HOOK3: variants seen among roughly 807,000 people sequenced by gnomAD.
HOOK3 encodes hook microtubule tethering protein 3.
Under a neutral mutation model 116.3 loss-of-function variants are expected in HOOK3, and 24 were observed. The observed-to-expected ratio is 0.21, with a 90% CI of 0.15 to 0.29. HOOK3 has a LOEUF of 0.29. Among genes scored for constraint, HOOK3 ranks in the 10% least tolerant of loss-of-function variants. The pLI, the probability that HOOK3 is intolerant of heterozygous loss-of-function variation, is 1.00. For synonymous variants in HOOK3, 275 were observed against 283.0 expected (o/e 0.97, Z 0.28); for missense variants, 632 against 830.2 (o/e 0.76, Z 2.93).
chr8:42,961,590 G>T (rs897525267), intron 8 of HOOK3, among the ~76,000 whole-genome samples: 11 of 152,164 alleles, frequency 7.2e-5, no homozygotes, highest in African/African-American at 2.4e-4. Flanking sequence ...TCAGAGGAGA[G>T]AGTCACTAGA....
At chr8:42,922,716 T>C (rs1807680313) in intron 2 of HOOK3, among the ~76,000 whole-genome samples, 1 of 151,946 alleles carries the variant, frequency 6.6e-6, no homozygotes, top group South Asian at 2.1e-4. Flanking sequence ...CTGGCCAACA[T>C]GGTGAAACCC....
At chr8:42,954,537 T>C (rs1808400859) in intron 6 of HOOK3, among the ~76,000 whole-genome samples, 1 of 152,240 alleles carries the variant, frequency 6.6e-6, no homozygotes. Flanking sequence ...AAGGGTATCT[T>C]AGGACAGAAG....
intron 15 of HOOK3, among the ~76,000 whole-genome samples, chr8:42,997,226 G>A (rs1056279723): frequency 9.2e-5 from 14 of 152,128 alleles, no homozygotes; most frequent in African/African-American, 3.4e-4. Context: ...TAATACTAGT[G>A]CTGAGCACAG....
intron 3 of HOOK3, among the ~76,000 whole-genome samples, chr8:42,926,533 A>G (rs996309229): frequency 1.3e-5 from 2 of 152,042 alleles, no homozygotes; most frequent in African/African-American, 4.8e-5. Flanking sequence ...TGATCTGCCC[A>G]CCTTGGCCTC....
At chr8:42,913,576 T>G (rs991828950) in intron 2 of HOOK3, among the ~76,000 whole-genome samples, 2 of 152,236 alleles carry the variant, frequency 1.3e-5, no homozygotes, top group Non-Finnish European at 2.9e-5. Context: ...GCTTTGAACA[T>G]TAGTGTACAA....
At chr8:42,964,624 C>T in intron 9 of HOOK3, 150 bp downstream of exon 9, 5 of 629,974 alleles carry the variant, frequency 7.9e-6, no homozygotes, top group Admixed American at 3.0e-5. Flanking sequence ...GTCGGGGATT[C>T]AAAATCAGCT....
In HOOK3 at chr8:43,018,546, C is replaced by G; in HGVS notation, c.*48C>G. On this transcript the variant is annotated 3_prime_UTR_variant, in exon 22 of 22. Coordinates refer to ENST00000307602, the MANE Select transcript of HOOK3 (RefSeq NM_032410.4). ...AGACACCTGCACCCACAACATACTTCTGTTACACACAAGAACATTTCAGGA... is the reference window on the plus strand; with the variant it reads ...AGACACCTGCACCCACAACATACTTGTGTTACACACAAGAACATTTCAGGA... The G allele has an allele frequency of 1.3e-6, 2 of 1,513,314 alleles. No homozygotes were observed. The highest frequency in any genetic ancestry group is 1.8e-6 in the Non-Finnish European group (2 of 1,128,928). 93.7% of individuals were successfully genotyped at this position (1,513,314 alleles called of 1,614,324 possible). A position where few individuals can be genotyped will look rare whatever the true frequency, so the allele number is the denominator to read the frequency against.
chr8:42,973,387 A>G lies in HOOK3; in HGVS notation c.1221A>G (p.Gln407=), dbSNP rs757895366. Reference sequence around the variant, plus strand: ...TAAAAGAAAAAGTTGACAGTCTTCAAAAAGAAAAGGACGTGAGTATATATA... The same window carrying G: ...TAAAAGAAAAAGTTGACAGTCTTCAGAAAGAAAAGGACGTGAGTATATATA... ...KRLKEKVDSL[Q]KEKDRLRTER... is the part of the protein sequence containing the mutation. Residue 407 remains glutamine, a synonymous_variant, in exon 12 of 22, where the codon CAA becomes CAG. Transcript: ENST00000307602. 9 of 1,611,436 alleles carry G rather than the reference A, an allele frequency of 5.6e-6. No homozygotes were observed. Among genetic ancestry groups the G allele is most frequent in the Non-Finnish European group, 7.6e-6 (9 of 1,178,556 alleles).
intron 17 of HOOK3, among the ~76,000 whole-genome samples, chr8:43,005,385 TC>T (rs1809464813): frequency 6.6e-6 from 1 of 151,630 alleles, no homozygotes; most frequent in Admixed American, 6.6e-5. Flanking sequence ...CACGCCTGGC[TC>T]ATTTTTTGTG....
chr8:42,903,746 A>AG (rs78274902), intron 1 of HOOK3, among the ~76,000 whole-genome samples: 151,617 of 151,648 alleles, frequency 1, 75,793 homozygotes, highest in Non-Finnish European at 1. Context: ...TGACGAGGTC[A>AG]GAGATGAGGA....
intron 2 of HOOK3, among the ~76,000 whole-genome samples, chr8:42,907,949 C>T (rs997691884): frequency 2.0e-4 from 30 of 151,490 alleles, no homozygotes; most frequent in Non-Finnish European, 5.9e-5. Flanking sequence ...AACTATTAGA[C>T]CTGGTAAATG....
At chr8:42,948,971 A>G (rs1051114791) in intron 5 of HOOK3, among the ~76,000 whole-genome samples, 1 of 152,246 alleles carries the variant, frequency 6.6e-6, no homozygotes, top group Non-Finnish European at 1.5e-5. Flanking sequence ...TTTCTGATAA[A>G]CTAAAGCTTT....
chr8:42,907,816 CAA>C (rs71550426), intron 2 of HOOK3, among the ~76,000 whole-genome samples: 68 of 46,194 alleles, frequency 1.5e-3, no homozygotes, highest in African/African-American at 4.0e-3. Flanking sequence ...AGCAACGAGG[CAA>C]AAAAAAAAAA....
At chr8:43,008,702 C>T (rs1199608471) in intron 18 of HOOK3, among the ~76,000 whole-genome samples, 1 of 146,780 alleles carries the variant, frequency 6.8e-6, no homozygotes, top group African/African-American at 2.5e-5. Context: ...CTCTGTCGCC[C>T]AGGCTGGAGT....
At chr8:43,009,578 A>G (rs993400057) in intron 18 of HOOK3, among the ~76,000 whole-genome samples, 1 of 152,060 alleles carries the variant, frequency 6.6e-6, no homozygotes, top group African/African-American at 2.4e-5. Context: ...CTTCCCAAAT[A>G]TTTACTCCTG....
In HOOK3 at chr8:42,959,238, A is replaced by T. The variant is rs201852248; in HGVS notation, c.539A>T (p.Lys180Ile). The T allele has an allele frequency of 1.2e-6, 2 of 1,611,310 alleles. No homozygotes were observed. Among genetic ancestry groups the T allele is most frequent in the Non-Finnish European group, 1.7e-6 (2 of 1,178,038 alleles). Residue 180 changes from lysine (K) to isoleucine (I), a missense_variant, in exon 8 of 22, where the codon AAA becomes ATA. Transcript: ENST00000307602. The stretch of plus-strand genomic sequence containing the variant: ...CTCTTTGTTTCTAACCAGCTGAAGA[A>T]AACTACAGAGGAACTAAATGAAGCT... Reference protein sequence around the residue: ...AYVDLDRQLKKTTEELNEALS... With the variant: ...AYVDLDRQLKITTEELNEALS...
chr8:42,946,518 A>AT (rs35256929), intron 5 of HOOK3, among the ~76,000 whole-genome samples: 4,639 of 148,856 alleles, frequency 0.031, 260 homozygotes, highest in African/African-American at 0.11. Context: ...AAGACGATGA[A>AT]TTTTTTTTTT....
In HOOK3 at chr8:42,962,446, G is replaced by A. The variant is rs1196941645; in HGVS notation, c.616-1865G>A. Among the ~76,000 whole-genome samples the A allele has an allele frequency of 5.5e-5, 8 of 145,198 alleles. No homozygotes were observed. The East Asian group carries it at 1.0e-3, about 18-fold the overall frequency. On this transcript the variant is annotated intron_variant, in intron 8 of 21. Transcript: ENST00000307602. ...TTTTGAAATAGAGTCTTGCTTTGTC[G>A]TCCAGGATGGAGTGCAGTGGTGTGA...
At chr8:42,910,139 G>A (rs1807394062) in intron 2 of HOOK3, among the ~76,000 whole-genome samples, 1 of 152,154 alleles carries the variant, frequency 6.6e-6, no homozygotes, top group Non-Finnish European at 1.5e-5. Context: ...TTGATTTAAT[G>A]TGTCCACATT....
Sources: allele counts gnomAD v4.1 joint callset (sites outside exome capture counted in the v4.1 genomes callset), GRCh38; gene constraint gnomAD v4.1.1; transcripts MANE v1.5; gene names NCBI Gene and HGNC (gene_info 2026-07-23, HGNC 2026-07-21).